The following CDH4 variants were observed in gnomAD, a reference collection of about 807,000 sequenced individuals.
CDH4 encodes the protein cadherin-4.
CDH4 carries 33 observed loss-of-function variants against 86.0 expected under a neutral mutation model. The observed-to-expected ratio is 0.38, with a 90% confidence interval of 0.29 to 0.51. The LOEUF is 0.51. Ranked by LOEUF, CDH4 falls within the 20% of genes least tolerant of loss-of-function variation. The pLI is 0.86. For synonymous variants in CDH4, 555 were observed against 549.4 expected (o/e 1.01, Z -0.14); for missense variants, 1,114 against 1,307.4 (o/e 0.85, Z 2.28).
intron 9 of CDH4, among the ~76,000 whole-genome samples, chr20:61,920,369 G>C (rs1156681267): frequency 4.1e-4 from 1 of 2,412 alleles, no homozygotes; most frequent in Non-Finnish European, 1.0e-3. Context: ...GAAGCGTGTC[G>C]TGATTGGAAG....
rs181880954 is a variant in CDH4 at position 61,591,222 on chromosome 20, G to A, written c.170-152341G>A. On this transcript the variant is annotated intron_variant, in intron 2 of 15. Transcript: ENST00000614565. ...ATTGACAAGTACCGGGGCCAAACCT[G>A]TTGATAATTACCATATGAGACATCA... Among the ~76,000 whole-genome samples, 223 of 152,324 alleles carry A rather than the reference G, an allele frequency of 1.5e-3. 2 individuals are homozygous for A. Among genetic ancestry groups the A allele is most frequent in the African/African-American group, 5.1e-3 (213 of 41,552 alleles).
At chr20:61,438,338 C>A (rs1455406933) in intron 2 of CDH4, among the ~76,000 whole-genome samples, 1 of 152,182 alleles carries the variant, frequency 6.6e-6, no homozygotes, top group Non-Finnish European at 1.5e-5. Flanking sequence ...AAAATCTATA[C>A]CCCGTGCAAT....
chr20:61,575,415 G>C (rs1268120303), intron 2 of CDH4, among the ~76,000 whole-genome samples: 5 of 152,186 alleles, frequency 3.3e-5, no homozygotes, highest in South Asian at 2.1e-4. Flanking sequence ...CTTCCTGTCA[G>C]ATTCAGTGAC....
chr20:61,253,958 G>A (rs763707518), intron 1 of CDH4, among the ~76,000 whole-genome samples: 38 of 152,312 alleles, frequency 2.5e-4, no homozygotes, highest in Middle Eastern at 3.4e-3. Context: ...CTGGCTTCCC[G>A]CTTGCACACA....
At chr20:61,913,389 G>A (rs1163085806) in intron 9 of CDH4, among the ~76,000 whole-genome samples, 1 of 152,258 alleles carries the variant, frequency 6.6e-6, no homozygotes, top group Non-Finnish European at 1.5e-5. Context: ...TCTGCGCGGA[G>A]CATCACAGCC....
At chr20:61,722,017 C>T (rs899859714) in intron 2 of CDH4, among the ~76,000 whole-genome samples, 1 of 152,170 alleles carries the variant, frequency 6.6e-6, no homozygotes, top group Non-Finnish European at 1.5e-5. Flanking sequence ...ACAACCTCCA[C>T]CTTCAGGCAC....
At chr20:61,509,215 C>G (rs1043291783) in intron 2 of CDH4, among the ~76,000 whole-genome samples, 2 of 152,040 alleles carry the variant, frequency 1.3e-5, no homozygotes, top group African/African-American at 4.8e-5. Flanking sequence ...TGAATGAAAT[C>G]ACCTTGTCAG....
At chr20:61,369,107 ACTC>A (rs2084825906) in intron 2 of CDH4, among the ~76,000 whole-genome samples, 1 of 151,844 alleles carries the variant, frequency 6.6e-6, no homozygotes, top group Non-Finnish European at 1.5e-5. Context: ...ATTAAAGAAA[ACTC>A]CTGTCAAAAC....
intron 2 of CDH4, among the ~76,000 whole-genome samples, chr20:61,445,598 C>T (rs1425585566): frequency 6.6e-6 from 1 of 151,972 alleles, no homozygotes; most frequent in African/African-American, 2.4e-5. Flanking sequence ...CTTCTTCCAA[C>T]AGGTCAGCAG....
At chr20:61,620,349 T>G (rs183691651) in intron 2 of CDH4, among the ~76,000 whole-genome samples, 6 of 150,446 alleles carry the variant, frequency 4.0e-5, no homozygotes, top group African/African-American at 1.5e-4. Flanking sequence ...GATGGATAGA[T>G]AGATGATGAT....
At chr20:61,400,773 C>A (rs2085045255) in intron 2 of CDH4, among the ~76,000 whole-genome samples, 1 of 152,150 alleles carries the variant, frequency 6.6e-6, no homozygotes, top group African/African-American at 2.4e-5. Flanking sequence ...GGCTTCGGGG[C>A]CGGCCTGGCC....
chr20:61,856,563 G>A (rs1447216781), intron 6 of CDH4, among the ~76,000 whole-genome samples: 1 of 140,184 alleles, frequency 7.1e-6, no homozygotes, highest in Non-Finnish European at 1.5e-5. Context: ...CAAGGGTTCT[G>A]CGTGCACCCC....
Position 61,684,859 on chromosome 20 carries a change from T to G in CDH4, c.170-58704T>G, listed in dbSNP as rs1235853796. ...AAGCTTCAAACACACAATTCATCTG[T>G]AAATATTTGCTCACTCTATTTCTAA... is the stretch of plus-strand genomic sequence containing the variant. On this transcript the variant is annotated intron_variant, in intron 2 of 15. Coordinates refer to ENST00000614565, the MANE Select transcript of CDH4 (RefSeq NM_001794.5). The surrounding 1 kb of genome is among the most constrained non-coding windows in gnomAD (Gnocchi z 4.5). Among the ~76,000 whole-genome samples the G allele has an allele frequency of 2.6e-5, 4 of 152,210 alleles. No individual in the cohort carries two copies. The East Asian group carries it at 7.7e-4, about 29-fold the overall frequency.
intron 7 of CDH4, among the ~76,000 whole-genome samples, chr20:61,883,037 C>T (rs921524858): frequency 6.6e-6 from 1 of 152,176 alleles, no homozygotes; most frequent in Non-Finnish European, 1.5e-5. Context: ...TTTTCAAACC[C>T]CACCACGGTT....
chr20:61,347,789 G>A (rs950596111), intron 2 of CDH4, among the ~76,000 whole-genome samples: 6 of 152,192 alleles, frequency 3.9e-5, no homozygotes, highest in Admixed American at 3.3e-4. Flanking sequence ...GTTCGGCACG[G>A]GACATTGGTC....
chr20:61,594,759 C>T (rs1384815830), intron 2 of CDH4, among the ~76,000 whole-genome samples: 1 of 152,198 alleles, frequency 6.6e-6, no homozygotes, highest in Non-Finnish European at 1.5e-5. Context: ...CGCTGGGTCC[C>T]CTCGGCCCCC....
chr20:61,566,636 C>T (rs891613828), intron 2 of CDH4, among the ~76,000 whole-genome samples: 13 of 152,142 alleles, frequency 8.5e-5, no homozygotes, highest in Non-Finnish European at 2.9e-5. Flanking sequence ...CCCGTCAGTG[C>T]CCACGGGGTG....
At chr20:61,473,969 T>C (rs773487231) in intron 2 of CDH4, among the ~76,000 whole-genome samples, 6 of 152,128 alleles carry the variant, frequency 3.9e-5, no homozygotes, top group Admixed American at 3.9e-4. Flanking sequence ...CTAATTAATA[T>C]ATGGTGCTTC....
chr20:61,569,352 G>C (rs1314940857), intron 2 of CDH4, among the ~76,000 whole-genome samples: 1 of 152,168 alleles, frequency 6.6e-6, no homozygotes, highest in East Asian at 1.9e-4. Context: ...ACTTAGAGGA[G>C]TTGCAAGAAT....
Sources: gnomAD v4.1 joint callset for allele counts (sites outside exome capture counted in the v4.1 genomes callset) on GRCh38, gnomAD v4.1.1 for gene constraint, Gnocchi (gnomAD v3.1) non-coding constraint, MANE v1.5 for transcripts, NCBI Gene and HGNC (gene_info 2026-07-23, HGNC 2026-07-21) for gene names.